Variants in SLC35B3 observed in about 807,000 individuals in gnomAD.
SLC35B3 encodes the protein adenosine 3'-phospho 5'-phosphosulfate transporter 2.
Under a neutral mutation model 44.1 loss-of-function variants are expected in SLC35B3, and 35 were observed. That is an observed-to-expected ratio of 0.79 (90% CI 0.61 to 1.05). The LOEUF (loss-of-function observed/expected upper bound fraction) is 1.05. Among genes scored for constraint, SLC35B3 ranks in the 50% least tolerant of loss-of-function variants. SLC35B3 has a pLI of 0.00. For synonymous variants in SLC35B3, 146 were observed against 167.3 expected (o/e 0.87, Z 0.98); for missense variants, 414 against 476.4 (o/e 0.87, Z 1.22).
At chr6:8,431,875 AC>A in intron 2 of SLC35B3, among the ~76,000 whole-genome samples, 1 of 152,124 alleles carries the variant, frequency 6.6e-6, no homozygotes, top group African/African-American at 2.4e-5. Context: ...CTCTCCCTCC[AC>A]TCTCAATAAA....
intron 4 of SLC35B3, among the ~76,000 whole-genome samples, chr6:8,425,156 C>A (rs542565936): frequency 6.6e-6 from 1 of 152,202 alleles, no homozygotes; most frequent in South Asian, 2.1e-4. Flanking sequence ...TGGCTTGAGG[C>A]CCCCTCCCCT....
rs990723732 is a variant in SLC35B3, at chr6:8,419,865, A to G, written c.683-188T>C. On this transcript the variant is annotated intron_variant, in intron 6 of 10. Coordinates refer to ENST00000644923, the MANE Select transcript of SLC35B3 (RefSeq NM_001370476.2). The surrounding 1 kb of genome is among the most constrained non-coding windows in gnomAD (Gnocchi z 4.3). ...AACAAGTACATATGTGATGATATTA[A>G]AAAAGATATACTAATAAACTGAGTT... Among the ~76,000 whole-genome samples, 2 of 152,124 alleles carry G rather than the reference A, an allele frequency of 1.3e-5. No homozygotes were observed. The highest frequency in any genetic ancestry group is 4.8e-5 in the African/African-American group (2 of 41,456).
chr6:8,424,772 C>T (rs1231191230), intron 4 of SLC35B3, among the ~76,000 whole-genome samples: 1 of 152,182 alleles, frequency 6.6e-6, no homozygotes, highest in Non-Finnish European at 1.5e-5. Context: ...ATAGAAACTT[C>T]TCTGAGGTCT....
rs1762271596 is a variant in SLC35B3 at position 8,414,832 on chromosome 6, G to C, written c.1055+76C>G. On this transcript the variant is annotated intron_variant, in intron 10 of 10. Transcript: ENST00000644923. ...ACAAAAAAGAAAAAGTAGAAAAGTT[G>C]AAATTAAGATTAAGAGGAAATGTGA... 6.7e-6 allele frequency: 5 copies of C among 748,080 alleles called. No individual in the cohort carries two copies. In the East Asian group the frequency reaches 1.4e-4, roughly 22 times the overall value. The allele number at this position is 748,080 out of a possible 1,614,324, so 46.3% of individuals were successfully genotyped here.
At chr6:8,429,747 A>AT (rs1205863647) in intron 3 of SLC35B3, 117 bp downstream of exon 2, 8 of 717,154 alleles carry the variant, frequency 1.1e-5, no homozygotes, top group African/African-American at 3.6e-5. Context: ...AAAAAATTCA[A>AT]ATTTATGAAT....
In SLC35B3 at chr6:8,417,499, A is replaced by G; in HGVS notation, c.781-5T>C. 1 of 1,539,418 alleles carries G rather than the reference A, an allele frequency of 6.5e-7. No homozygotes were observed. The highest frequency in any genetic ancestry group is 1.2e-5 in the South Asian group (1 of 82,066). On this transcript the variant is annotated splice_region_variant and splice_polypyrimidine_tract_variant and intron_variant, in intron 7 of 10. Coordinates refer to ENST00000644923, the MANE Select transcript of SLC35B3 (RefSeq NM_001370476.2). ...AATTGAATACGAATACAATACCTAG[A>G]GCAGATAAAAATAAAGCAGAAAAAA...
At position 8,413,267 on chromosome 6, in the gene SLC35B3, C is replaced by A; in HGVS notation, c.*282G>T. 6.8e-6 allele frequency: 2 copies of A among 294,724 alleles called. No individual in the cohort carries two copies. Among genetic ancestry groups the A allele is most frequent in the South Asian group, 1.2e-4 (2 of 17,154 alleles). The allele number at this position is 294,724 out of a possible 1,614,324, so 18.3% of individuals were successfully genotyped here. Reference sequence around the variant, plus strand: ...CCAATTAGTCTTGCAACACATGGTCCATTTCCAGTGAAATTCTCAATAAAC... The same window carrying A: ...CCAATTAGTCTTGCAACACATGGTCAATTTCCAGTGAAATTCTCAATAAAC... On this transcript the variant is annotated 3_prime_UTR_variant, in exon 11 of 11. Transcript: ENST00000644923.
chr6:8,429,904 G>C lies in SLC35B3; in HGVS notation c.257C>G (p.Ala86Gly). 1.2e-6 allele frequency: 2 copies of C among 1,606,132 alleles called. No homozygotes were observed. The highest frequency in any genetic ancestry group is 1.7e-4 in the Middle Eastern group (1 of 6,034). ...AATTAGGTAAAATACAAAAACTCCA[G>C]CAACACATATGAAAAACTGAGTAAG... is the stretch of plus-strand genomic sequence containing the variant. Residue 86 changes from alanine (A) to glycine (G), a missense_variant, in exon 3 of 11, where the codon GCT becomes GGT. Ala to Gly is a moderately conservative substitution (Grantham distance 60, BLOSUM62 0). Coordinates refer to ENST00000644923, the MANE Select transcript of SLC35B3 (RefSeq NM_001370476.2).
chr6:8,429,176 C>T (rs891055648), intron 3 of SLC35B3, among the ~76,000 whole-genome samples: 3 of 152,062 alleles, frequency 2.0e-5, no homozygotes, highest in Non-Finnish European at 4.4e-5. Context: ...AAATTAGAAC[C>T]CATTCCAACA....
chr6:8,413,624 T>A lies in SLC35B3; in HGVS notation c.1131A>T (p.Arg377Ser). The stretch of plus-strand genomic sequence containing the variant: ...TTATCAAATCATACAGTGATGGTAG[T>A]CTTATTTTATCCATATTTTTGCTGT... Residue 377 changes from arginine (R) to serine (S), a missense_variant, in exon 11 of 11, where the codon AGA (arginine) becomes AGT (serine). Coordinates refer to ENST00000644923, the MANE Select transcript of SLC35B3 (RefSeq NM_001370476.2). The A allele has an allele frequency of 6.2e-7, 1 of 1,600,040 alleles. No individual in the cohort carries two copies. The highest frequency in any genetic ancestry group is 8.5e-7 in the Non-Finnish European group (1 of 1,171,106).
In SLC35B3 at chr6:8,413,144, TA is replaced by T. The variant is rs1554115811; in HGVS notation, c.*404del. On this transcript the variant is annotated 3_prime_UTR_variant, in exon 11 of 11. Coordinates refer to ENST00000644923, the MANE Select transcript of SLC35B3 (RefSeq NM_001370476.2). ...AGACTTCAACTCATCAGTTTACTCT[TA>T]TAACAGAGAATCAATTTAAATAACA... 1 of 157,854 alleles carries T rather than the reference TA, an allele frequency of 6.3e-6. No individual in the cohort carries two copies. Among genetic ancestry groups the T allele is most frequent in the Non-Finnish European group, 1.4e-5 (1 of 71,650 alleles). 9.8% of individuals were successfully genotyped at this position (157,854 alleles called of 1,614,324 possible).
At chr6:8,415,151 C>T (rs1388646508) in intron 9 of SLC35B3, among the ~76,000 whole-genome samples, 174 bp from the exon 9 acceptor site, 1 of 152,132 alleles carries the variant, frequency 6.6e-6, no homozygotes, top group East Asian at 1.9e-4. Flanking sequence ...GTCACTGTTC[C>T]CTGTTACTAT....
chr6:8,429,635 A>T, intron 3 of SLC35B3: 1 of 330,258 alleles, frequency 3.0e-6, no homozygotes. Flanking sequence ...AATTTTCATA[A>T]TGAAAATTTT....
At chr6:8,429,191 G>C (rs2113502105) in intron 3 of SLC35B3, among the ~76,000 whole-genome samples, 1 of 152,194 alleles carries the variant, frequency 6.6e-6, no homozygotes, top group East Asian at 1.9e-4. Flanking sequence ...CCAACATCCT[G>C]TTTTCACTAG....
intron 4 of SLC35B3, among the ~76,000 whole-genome samples, chr6:8,423,926 C>T (rs904344121): frequency 5.3e-5 from 8 of 151,994 alleles, no homozygotes; most frequent in African/African-American, 9.7e-5. Context: ...AGCACCACTT[C>T]GCCAGGTAAA....
chr6:8,422,549 GC>G lies in SLC35B3; in HGVS notation c.494del (p.Gly165AlafsTer3). ...TGACTTGGGTAGGGTAATTCAGGTA[GC>G]CCAAGGAAGTGTTTGATAACCCCAT... On this transcript the variant is annotated frameshift_variant, in exon 5 of 11. Coordinates refer to ENST00000644923, the MANE Select transcript of SLC35B3 (RefSeq NM_001370476.2). LOFTEE classifies it high-confidence loss of function. 6.2e-7 allele frequency: 1 copy of G among 1,612,884 alleles called. No homozygotes were observed. Among genetic ancestry groups the G allele is most frequent in the Non-Finnish European group, 8.5e-7 (1 of 1,178,958 alleles).
intron 4 of SLC35B3, among the ~76,000 whole-genome samples, chr6:8,426,692 A>C (rs942679749): frequency 6.6e-6 from 1 of 152,108 alleles, no homozygotes; most frequent in African/African-American, 2.4e-5. Flanking sequence ...ACGGACTAAT[A>C]ACAGTAAATT....
At position 8,429,847 on chromosome 6, in the gene SLC35B3, A is replaced by T; in HGVS notation, c.297+17T>A. On this transcript the variant is annotated intron_variant, in intron 3 of 10. Transcript: ENST00000644923. ...ATTATAAATAATTAACATATTACAA[A>T]CATATAACTTTTTTACCTGTAAATA... The T allele has an allele frequency of 6.7e-7, 1 of 1,493,044 alleles. No homozygotes were observed. Among genetic ancestry groups the T allele is most frequent in the Non-Finnish European group, 9.1e-7 (1 of 1,101,186 alleles). 92.5% of individuals were successfully genotyped at this position (1,493,044 alleles called of 1,614,324 possible).
intron 9 of SLC35B3, among the ~76,000 whole-genome samples, chr6:8,415,778 T>A (rs1438925923): frequency 1.3e-5 from 2 of 152,078 alleles, no homozygotes; most frequent in Non-Finnish European, 2.9e-5. Flanking sequence ...CTATTTTGAG[T>A]TGGGTATATG....
Sources: gnomAD v4.1 joint callset for allele counts (sites outside exome capture counted in the v4.1 genomes callset) on GRCh38, gnomAD v4.1.1 for gene constraint, Gnocchi (gnomAD v3.1) non-coding constraint, MANE v1.5 for transcripts, NCBI Gene and HGNC (gene_info 2026-07-23, HGNC 2026-07-21) for gene names.